The following MYO10 variants were observed in gnomAD, a reference collection of about 807,000 sequenced individuals.
MYO10 encodes myosin X, also known as unconventional myosin-X.
Under a neutral mutation model 257.3 loss-of-function variants are expected in MYO10, and 133 were observed. That is an observed-to-expected ratio of 0.52 (90% CI 0.45 to 0.60). The LOEUF (loss-of-function observed/expected upper bound fraction) is 0.60. MYO10 is among the 20% of genes least tolerant of loss of function. The pLI is 0.00. For missense variants in MYO10, 2,399 were observed against 2,635.7 expected, an observed-to-expected ratio of 0.91 and a Z score of 1.97; for synonymous variants, 1,104 against 1,028.6, an observed-to-expected ratio of 1.07 and a Z score of -1.40.
intron 4 of MYO10, among the ~76,000 whole-genome samples, chr5:16,791,769 C>T (rs951145842): frequency 6.6e-5 from 10 of 152,188 alleles, no homozygotes; most frequent in African/African-American, 2.4e-4. Context: ...TGTTAATCTT[C>T]TTAAATTATA....
At chr5:16,671,833 GAAGAA>G (rs1736478841) in intron 37 of MYO10, among the ~76,000 whole-genome samples, 2 of 152,164 alleles carry the variant, frequency 1.3e-5, no homozygotes, top group Admixed American at 6.5e-5. Flanking sequence ...GAGTCCACGG[GAAGAA>G]AAGAAACAAA....
chr5:16,777,838 A>ATTTTTTT (rs1553995171), intron 9 of MYO10, among the ~76,000 whole-genome samples: 1 of 94,950 alleles, frequency 1.1e-5, no homozygotes, highest in African/African-American at 5.5e-5. Context: ...ATTGCATCTA[A>ATTTTTTT]CTTTTTTTTT....
intron 16 of MYO10, 74 bp from the exon 17 acceptor site, chr5:16,761,620 G>A: frequency 9.5e-7 from 1 of 1,050,680 alleles, no homozygotes; most frequent in South Asian, 1.4e-5. Flanking sequence ...TTCCCTGAAA[G>A]AGCCACAAAA....
At chr5:16,698,262 C>A (rs1366092040) in intron 26 of MYO10, among the ~76,000 whole-genome samples, 1 of 152,098 alleles carries the variant, frequency 6.6e-6, no homozygotes, top group African/African-American at 2.4e-5. Flanking sequence ...CCTATGAAGG[C>A]TGCGGCAGGA....
At chr5:16,924,220 T>C (rs2016973) in intron 1 of MYO10, among the ~76,000 whole-genome samples, 69,514 of 151,630 alleles carry the variant, frequency 0.46, 16,168 homozygotes, top group South Asian at 0.53. Flanking sequence ...CGCTGGGGGG[T>C]GAGATGAATG....
chr5:16,763,671 G>C lies in MYO10; in HGVS notation c.1411C>G (p.Gln471Glu). The C allele has an allele frequency of 6.2e-7, 1 of 1,607,264 alleles. No individual in the cohort carries two copies. The highest frequency in any genetic ancestry group is 8.5e-7 in the Non-Finnish European group (1 of 1,174,246). Residue 471 changes from glutamine to glutamate, a missense_variant, in exon 13 of 41, where the codon CAA becomes GAA. Gln to Glu is a conservative substitution (Grantham distance 29). Coordinates refer to ENST00000513610, the MANE Select transcript of MYO10 (RefSeq NM_012334.3). ...YFNKHIFSLE[Q>E]LEYSREGLVW... ...AGTGCTTACCGGCTATATTCTAGTT[G>C]TTCTAAAGAAAAAATATGCTTGTTG...
At chr5:16,768,999 G>A (rs1002059450) in intron 10 of MYO10, 75 bp downstream of exon 10, 22 of 1,497,404 alleles carry the variant, frequency 1.5e-5, no homozygotes, top group Non-Finnish European at 1.8e-5. Context: ...TGAAAGGCTA[G>A]ACAGTCAATA....
At chr5:16,909,298 G>C (rs1407107714) in intron 1 of MYO10, among the ~76,000 whole-genome samples, 4 of 152,080 alleles carry the variant, frequency 2.6e-5, no homozygotes, top group Non-Finnish European at 5.9e-5. Flanking sequence ...CACGAGGTCA[G>C]GAGTTCGAGA....
chr5:16,922,840 G>A (rs1324655134), intron 1 of MYO10, among the ~76,000 whole-genome samples: 1 of 152,096 alleles, frequency 6.6e-6, no homozygotes, highest in Non-Finnish European at 1.5e-5. Flanking sequence ...AGACCAGCCT[G>A]GGCAACATAG....
intron 2 of MYO10, among the ~76,000 whole-genome samples, chr5:16,870,043 G>A (rs1262984832): frequency 6.6e-6 from 1 of 151,230 alleles, no homozygotes; most frequent in Non-Finnish European, 1.5e-5. Flanking sequence ...TGTTTCTGAG[G>A]TTCCATTTTA....
chr5:16,797,576 G>C (rs1427895336), intron 3 of MYO10, among the ~76,000 whole-genome samples: 1 of 152,186 alleles, frequency 6.6e-6, no homozygotes, highest in African/African-American at 2.4e-5. Context: ...ACAATGCCAA[G>C]GGCCCATCAT....
At chr5:16,718,880 G>C (rs1038521309) in intron 19 of MYO10, among the ~76,000 whole-genome samples, 30 of 151,802 alleles carry the variant, frequency 2.0e-4, no homozygotes, top group African/African-American at 6.8e-4. Flanking sequence ...TGATGGGGAC[G>C]TGGAGAACCT....
chr5:16,853,052 C>T (rs1175350872), intron 2 of MYO10, among the ~76,000 whole-genome samples: 3 of 152,036 alleles, frequency 2.0e-5, no homozygotes, highest in South Asian at 4.1e-4. Context: ...AAGAGAGCCT[C>T]GAAATCCATT....
intron 9 of MYO10, among the ~76,000 whole-genome samples, chr5:16,776,775 G>A (rs2126664622): frequency 6.6e-6 from 1 of 152,340 alleles, no homozygotes; most frequent in South Asian, 2.1e-4. Context: ...TACCAACGGA[G>A]TATCTGATTT....
chr5:16,704,800 C>T, intron 21 of MYO10, 115 bp from the exon 22 acceptor site: 1 of 746,632 alleles, frequency 1.3e-6, no homozygotes, highest in Non-Finnish European at 2.3e-6. Context: ...GTTTGATCCA[C>T]CACATGGCCA....
chr5:16,758,923 C>A (rs2126647047), intron 17 of MYO10, among the ~76,000 whole-genome samples: 1 of 143,096 alleles, frequency 7.0e-6, no homozygotes, highest in East Asian at 2.0e-4. Flanking sequence ...AAAAGCTTCC[C>A]AATAATTTTT....
chr5:16,879,498 A>G (rs888359669), intron 1 of MYO10, among the ~76,000 whole-genome samples: 6 of 152,182 alleles, frequency 3.9e-5, no homozygotes, highest in African/African-American at 1.4e-4. Context: ...AGAAGTCTCA[A>G]TGACATTATA....
intron 3 of MYO10, among the ~76,000 whole-genome samples, chr5:16,801,458 T>G (rs953520475): frequency 6.6e-6 from 1 of 152,052 alleles, no homozygotes; most frequent in Non-Finnish European, 1.5e-5. Context: ...CTGGCCTGCT[T>G]GCATCAGCCT....
intron 1 of MYO10, among the ~76,000 whole-genome samples, chr5:16,894,166 T>C (rs150483343): frequency 6.1e-4 from 93 of 152,288 alleles, no homozygotes; most frequent in Non-Finnish European, 1.0e-3. Flanking sequence ...ATGAACTCAA[T>C]GCCACACTTC....
Sources: gnomAD v4.1 joint callset for allele counts (sites outside exome capture counted in the v4.1 genomes callset) on GRCh38, gnomAD v4.1.1 for gene constraint, MANE v1.5 for transcripts, NCBI Gene and HGNC (gene_info 2026-07-23, HGNC 2026-07-21) for gene names.